Variants in SLC35F4 observed in about 807,000 individuals in gnomAD.
The protein encoded by SLC35F4 is solute carrier family 35 member F4.
A neutral mutation model predicts 44.2 loss-of-function variants in SLC35F4; 24 were observed. The observed-to-expected ratio is 0.54, with a 90% CI of 0.39 to 0.76. SLC35F4 has a LOEUF of 0.76. Ranked by LOEUF, SLC35F4 falls within the 30% of genes least tolerant of loss-of-function variation. SLC35F4 has a pLI of 0.00. For synonymous variants in SLC35F4, 238 were observed against 223.6 expected (o/e 1.06, Z -0.57); for missense variants, 562 against 586.1 (o/e 0.96, Z 0.42).
intron 1 of SLC35F4, among the ~76,000 whole-genome samples, chr14:57,761,961 C>T (rs1042507868): frequency 3.3e-5 from 5 of 152,188 alleles, no homozygotes; most frequent in African/African-American, 1.2e-4. Context: ...AGCTGTAGTG[C>T]CTATCTAGGA....
intron 1 of SLC35F4, among the ~76,000 whole-genome samples, chr14:57,629,295 A>G (rs1393073334): frequency 6.6e-6 from 1 of 152,114 alleles, no homozygotes; most frequent in Non-Finnish European, 1.5e-5. Context: ...GACCTCCACT[A>G]AAAATTTTTT....
intron 1 of SLC35F4, among the ~76,000 whole-genome samples, chr14:57,833,200 C>A (rs190884148): frequency 5.9e-5 from 9 of 152,298 alleles, no homozygotes; most frequent in Non-Finnish European, 1.0e-4. Flanking sequence ...GGCAATCTCA[C>A]TAAAGACAGA....
At chr14:57,631,247 T>C (rs1951750) in intron 1 of SLC35F4, 19,004 of 152,048 alleles carry the variant, frequency 0.12, 1,509 homozygotes, top group East Asian at 0.43. Context: ...CTGGGTTACA[T>C]AGTATTTTCA....
At chr14:57,744,704 A>G (rs1183108933) in intron 1 of SLC35F4, among the ~76,000 whole-genome samples, 1 of 152,018 alleles carries the variant, frequency 6.6e-6, no homozygotes, top group Non-Finnish European at 1.5e-5. Context: ...TTCTTCAGAA[A>G]GAAAGCTGAC....
chr14:57,618,709 A>C (rs1296637822), intron 1 of SLC35F4, among the ~76,000 whole-genome samples: 1 of 152,206 alleles, frequency 6.6e-6, no homozygotes, highest in Non-Finnish European at 1.5e-5. Context: ...TCCCCTGGAA[A>C]GGGGGCTTGA....
At chr14:57,838,909 A>G (rs546905870) in intron 1 of SLC35F4, among the ~76,000 whole-genome samples, 1 of 152,304 alleles carries the variant, frequency 6.6e-6, no homozygotes, top group East Asian at 1.9e-4. Context: ...TGGCATGAAT[A>G]AAAAATAGGT....
At chr14:57,734,948 A>G (rs921622791) in intron 1 of SLC35F4, among the ~76,000 whole-genome samples, 1 of 152,062 alleles carries the variant, frequency 6.6e-6, no homozygotes, top group African/African-American at 2.4e-5. Context: ...CTGACTTCCA[A>G]TATACTCTCC....
intron 1 of SLC35F4, among the ~76,000 whole-genome samples, chr14:57,637,906 C>A (rs1272631152): frequency 6.6e-6 from 1 of 152,012 alleles, no homozygotes; most frequent in Admixed American, 6.6e-5. Context: ...TCTTTAGACC[C>A]CGTCCCTTTT....
chr14:57,602,213 C>G (rs1353891552), intron 1 of SLC35F4, among the ~76,000 whole-genome samples: 3 of 150,994 alleles, frequency 2.0e-5, no homozygotes, highest in Non-Finnish European at 4.4e-5. Context: ...TCAAACAGAT[C>G]AAAAAGCAAA....
chr14:57,760,864 T>C (rs926903462), intron 1 of SLC35F4, among the ~76,000 whole-genome samples: 3 of 152,196 alleles, frequency 2.0e-5, no homozygotes, highest in Admixed American at 2.0e-4. Flanking sequence ...GGTAGTTTCC[T>C]CACATGTTTA....
chr14:57,890,356 G>A (rs1888735005), intron 1 of SLC35F4, among the ~76,000 whole-genome samples: 1 of 152,214 alleles, frequency 6.6e-6, no homozygotes, highest in East Asian at 1.9e-4. Flanking sequence ...CTTGTTGTAA[G>A]CTTCTGAGTT....
At chr14:57,689,355 A>C (rs1481808731) in intron 1 of SLC35F4, among the ~76,000 whole-genome samples, 1 of 152,058 alleles carries the variant, frequency 6.6e-6, no homozygotes, top group East Asian at 1.9e-4. Context: ...TACTGGCTTA[A>C]TTCAAGTCCA....
chr14:57,756,105 T>C (rs1286073775), intron 1 of SLC35F4, among the ~76,000 whole-genome samples: 2 of 152,256 alleles, frequency 1.3e-5, no homozygotes, highest in African/African-American at 2.4e-5. Context: ...TATTATTTCC[T>C]GCCTTCTGCT....
At chr14:57,734,845 A>G (rs973429981) in intron 1 of SLC35F4, among the ~76,000 whole-genome samples, 5 of 152,162 alleles carry the variant, frequency 3.3e-5, no homozygotes, top group Non-Finnish European at 7.4e-5. Flanking sequence ...CTTCCAGGTG[A>G]CTTCATTGCC....
intron 1 of SLC35F4, among the ~76,000 whole-genome samples, chr14:57,682,196 G>A (rs559179770): frequency 3.9e-5 from 6 of 152,186 alleles, no homozygotes; most frequent in East Asian, 1.9e-4. Flanking sequence ...ACATGAACAC[G>A]TATGTTTATT....
intron 1 of SLC35F4, among the ~76,000 whole-genome samples, chr14:57,847,324 T>C (rs12897206): frequency 6.6e-6 from 1 of 152,170 alleles, no homozygotes; most frequent in Non-Finnish European, 1.5e-5. Context: ...TTTTTTTCAC[T>C]CCCAGATGTT....
chr14:57,854,523 C>A (rs774419527), intron 1 of SLC35F4, among the ~76,000 whole-genome samples: 13 of 152,086 alleles, frequency 8.5e-5, no homozygotes, highest in Non-Finnish European at 1.8e-4. Context: ...CCGAATTAAC[C>A]CTCAGCCTTC....
chr14:57,669,869 C>G (rs1256920300), intron 1 of SLC35F4, among the ~76,000 whole-genome samples: 1 of 152,094 alleles, frequency 6.6e-6, no homozygotes, highest in Non-Finnish European at 1.5e-5. Flanking sequence ...AGGATTCTCT[C>G]TTTTTCTACG....
intron 1 of SLC35F4, among the ~76,000 whole-genome samples, chr14:57,709,721 T>G (rs2075770169): frequency 6.6e-6 from 1 of 152,130 alleles, no homozygotes; most frequent in South Asian, 2.1e-4. Context: ...TGATTAGATT[T>G]CTAAGGTATC....
Sources: allele counts gnomAD v4.1 joint callset (sites outside exome capture counted in the v4.1 genomes callset), GRCh38; gene constraint gnomAD v4.1.1; transcripts MANE v1.5; gene names NCBI Gene and HGNC (gene_info 2026-07-23, HGNC 2026-07-21).